Variants in RARB observed in about 807,000 individuals in gnomAD.
RARB encodes the protein retinoic acid receptor beta, also known as HBV-activated protein.
In RARB, 17 loss-of-function variants were observed where a neutral mutation model predicts 51.9. The ratio of observed to expected loss-of-function variants is 0.33; its 90% CI spans 0.22 to 0.49. The LOEUF (loss-of-function observed/expected upper bound fraction) is 0.49, where lower values mean the gene tolerates loss of function less well. Among genes scored for constraint, RARB ranks in the 20% least tolerant of loss-of-function variants. RARB has a pLI of 0.99. For synonymous variants in RARB, 215 were observed against 195.4 expected (o/e 1.10, Z -0.84); for missense variants, 369 against 550.8 (o/e 0.67, Z 3.30).
intron 2 of RARB, among the ~76,000 whole-genome samples, chr3:24,979,879 T>C (rs1343716339): frequency 6.6e-6 from 1 of 152,228 alleles, no homozygotes; most frequent in Non-Finnish European, 1.5e-5. Context: ...CAATGGTCTT[T>C]ACAATTTGGC....
chr3:25,037,100 T>C (rs1698011702), intron 2 of RARB, among the ~76,000 whole-genome samples: 1 of 152,184 alleles, frequency 6.6e-6, no homozygotes, highest in African/African-American at 2.4e-5. Flanking sequence ...CTGACATTTA[T>C]AGCTTCGTTG....
At chr3:24,969,627 C>A (rs540862465) in intron 2 of RARB, among the ~76,000 whole-genome samples, 1 of 152,196 alleles carries the variant, frequency 6.6e-6, no homozygotes, top group Admixed American at 6.6e-5. Flanking sequence ...CTCAATACAT[C>A]AAATTGCCAA....
chr3:25,206,505 A>G (rs940568554), intron 5 of RARB, among the ~76,000 whole-genome samples: 41 of 152,294 alleles, frequency 2.7e-4, no homozygotes, highest in African/African-American at 9.9e-4. Context: ...AGATCTACTA[A>G]GTATGTTTTC....
intron 2 of RARB, among the ~76,000 whole-genome samples, chr3:24,934,953 CA>C (rs1174826548): frequency 6.6e-6 from 1 of 152,088 alleles, no homozygotes; most frequent in Non-Finnish European, 1.5e-5. Flanking sequence ...AAATAGCTTG[CA>C]ATTCCAAAAA....
At chr3:25,093,772 C>G (rs1230304985) in intron 3 of RARB, among the ~76,000 whole-genome samples, 1 of 152,072 alleles carries the variant, frequency 6.6e-6, no homozygotes, top group Non-Finnish European at 1.5e-5. Context: ...GTGGCCCAGC[C>G]AGAAGTGACT....
At chr3:25,181,394 T>C (rs990647216) in intron 5 of RARB, among the ~76,000 whole-genome samples, 2 of 152,170 alleles carry the variant, frequency 1.3e-5, no homozygotes, top group African/African-American at 4.8e-5. Context: ...ACATGGGACA[T>C]AGTAGAGAAA....
chr3:24,863,052 A>G (rs989439228), intron 2 of RARB, among the ~76,000 whole-genome samples: 1 of 152,224 alleles, frequency 6.6e-6, no homozygotes, highest in African/African-American at 2.4e-5. Flanking sequence ...GCCAGAAAGG[A>G]GAATAGCCCC....
intron 4 of RARB, among the ~76,000 whole-genome samples, chr3:25,166,850 A>G (rs17577191): frequency 0.085 from 12,909 of 152,242 alleles, 720 homozygotes; most frequent in Non-Finnish European, 0.13. Context: ...CAAGTCATCA[A>G]TGCATTAAGT....
intron 5 of RARB, among the ~76,000 whole-genome samples, chr3:25,311,968 C>T (rs191534654): frequency 1.8e-4 from 27 of 152,026 alleles, no homozygotes; most frequent in African/African-American, 5.8e-4. Context: ...AAACACAACT[C>T]ATTAATGTTG....
intron 5 of RARB, among the ~76,000 whole-genome samples, chr3:25,241,468 T>A (rs1028598387): frequency 6.6e-6 from 1 of 152,148 alleles, no homozygotes; most frequent in Non-Finnish European, 1.5e-5. Context: ...TCCCCTTCCC[T>A]GCCACAACCC....
intron 5 of RARB, among the ~76,000 whole-genome samples, chr3:25,283,342 G>T (rs919123083): frequency 6.6e-6 from 1 of 152,140 alleles, no homozygotes; most frequent in Admixed American, 6.5e-5. Flanking sequence ...CAACGTGTGG[G>T]CCTCTTCCAT....
chr3:25,546,743 G>A (rs114519958), intron 3 of RARB, among the ~76,000 whole-genome samples: 139 of 152,258 alleles, frequency 9.1e-4, no homozygotes, highest in African/African-American at 3.3e-3. Context: ...GGGAGACAGC[G>A]AGGGATATAA....
At chr3:24,996,012 GTAA>G (rs1697029711) in intron 2 of RARB, among the ~76,000 whole-genome samples, 1 of 152,004 alleles carries the variant, frequency 6.6e-6, no homozygotes, top group South Asian at 2.1e-4. Flanking sequence ...CCAATATTTT[GTAA>G]TAGTTTGAAA....
chr3:25,332,925 A>G (rs1704947732), intron 5 of RARB, among the ~76,000 whole-genome samples: 1 of 152,196 alleles, frequency 6.6e-6, no homozygotes, highest in African/African-American at 2.4e-5. Flanking sequence ...CTTCATTCAC[A>G]ATTGCTTCAA....
intron 5 of RARB, among the ~76,000 whole-genome samples, chr3:25,216,582 G>T (rs956063387): frequency 1.3e-5 from 2 of 151,988 alleles, no homozygotes; most frequent in Non-Finnish European, 2.9e-5. Flanking sequence ...GGGGCCTATT[G>T]GGGGGTGGGG....
chr3:25,503,892 G>T (rs531304767), intron 3 of RARB, among the ~76,000 whole-genome samples: 38 of 152,254 alleles, frequency 2.5e-4, no homozygotes, highest in African/African-American at 7.9e-4. Flanking sequence ...CTCATTTGAC[G>T]TACAAGTACA....
chr3:24,948,066 G>A (rs1575085916), intron 2 of RARB, among the ~76,000 whole-genome samples: 1 of 152,196 alleles, frequency 6.6e-6, no homozygotes, highest in East Asian at 1.9e-4. Context: ...AATCACATGA[G>A]CCTTTTCTGG....
chr3:25,004,365 T>G (rs7619576), intron 2 of RARB, among the ~76,000 whole-genome samples: 19,979 of 152,136 alleles, frequency 0.13, 3,867 homozygotes, highest in African/African-American at 0.42. Flanking sequence ...CTGGATAATT[T>G]ATATTAAACA....
chr3:24,962,503 C>T (rs1047211250), intron 2 of RARB, among the ~76,000 whole-genome samples: 5 of 152,188 alleles, frequency 3.3e-5, no homozygotes, highest in South Asian at 2.1e-4. Context: ...CCCCAATCCC[C>T]GGGCCACAGA....
Sources: gnomAD v4.1 joint callset for allele counts (sites outside exome capture counted in the v4.1 genomes callset) on GRCh38, gnomAD v4.1.1 for gene constraint, MANE v1.5 for transcripts, NCBI Gene and HGNC (gene_info 2026-07-23, HGNC 2026-07-21) for gene names.